The following PDE4D variants were observed in gnomAD, a reference collection of about 807,000 sequenced individuals.
PDE4D encodes 3',5'-cyclic-AMP phosphodiesterase 4D.
PDE4D carries 24 observed loss-of-function variants against 87.4 expected under a neutral mutation model. That is an observed-to-expected ratio of 0.27 (90% CI 0.20 to 0.39). The LOEUF (loss-of-function observed/expected upper bound fraction) is 0.39, where lower values mean the gene tolerates loss of function less well. Ranked by LOEUF, PDE4D falls within the 10% of genes least tolerant of loss-of-function variation. The pLI is 1.00. For missense variants in PDE4D, 714 were observed against 1,041.0 expected, an observed-to-expected ratio of 0.69 and a Z score of 4.32; for synonymous variants, 384 against 383.2, an observed-to-expected ratio of 1.00 and a Z score of -0.02.
chr5:60,169,340 T>C (rs1258475264), intron 2 of PDE4D, among the ~76,000 whole-genome samples: 4 of 152,156 alleles, frequency 2.6e-5, no homozygotes, highest in Non-Finnish European at 4.4e-5. Flanking sequence ...ACACAAAAGA[T>C]GTACCTCCAC....
At chr5:59,580,861 G>A (rs895981220) in intron 1 of PDE4D, among the ~76,000 whole-genome samples, 1 of 152,084 alleles carries the variant, frequency 6.6e-6, no homozygotes, top group African/African-American at 2.4e-5. Context: ...GAAACCTGGA[G>A]TGCTTTTTTT....
intron 1 of PDE4D, among the ~76,000 whole-genome samples, chr5:60,519,356 G>C (rs939432222): frequency 1.3e-5 from 2 of 152,258 alleles, no homozygotes; most frequent in Admixed American, 1.3e-4. Flanking sequence ...AAAAATTTAA[G>C]AACAAAAAGG....
At chr5:60,135,695 C>A (rs1176653181) in intron 2 of PDE4D, among the ~76,000 whole-genome samples, 1 of 151,962 alleles carries the variant, frequency 6.6e-6, no homozygotes, top group Middle Eastern at 3.2e-3. Flanking sequence ...GAAGAGAGGA[C>A]CATAGTGCTG....
chr5:59,941,316 G>A (rs1757158500), intron 3 of PDE4D, among the ~76,000 whole-genome samples: 1 of 152,176 alleles, frequency 6.6e-6, no homozygotes, highest in African/African-American at 2.4e-5. Context: ...CAATTGCTGT[G>A]TTATTTTCAA....
intron 1 of PDE4D, among the ~76,000 whole-genome samples, chr5:60,294,002 T>C (rs1024436435): frequency 1.3e-5 from 2 of 152,246 alleles, no homozygotes; most frequent in Non-Finnish European, 2.9e-5. Context: ...CATTTTATTA[T>C]CTGCAAAACA....
At chr5:60,503,871 G>T (rs1048433978) in intron 1 of PDE4D, among the ~76,000 whole-genome samples, 11 of 152,040 alleles carry the variant, frequency 7.2e-5, no homozygotes, top group African/African-American at 2.4e-4. Flanking sequence ...AAATTACAGA[G>T]GAAATTCCAA....
At chr5:59,753,889 A>C (rs767024770) in intron 1 of PDE4D, among the ~76,000 whole-genome samples, 1 of 152,208 alleles carries the variant, frequency 6.6e-6, no homozygotes, top group Non-Finnish European at 1.5e-5. Flanking sequence ...GAAAACTCTC[A>C]AGATGAATGT....
At chr5:60,103,748 C>T (rs1401166368) in intron 2 of PDE4D, among the ~76,000 whole-genome samples, 1 of 151,792 alleles carries the variant, frequency 6.6e-6, no homozygotes, top group Non-Finnish European at 1.5e-5. Context: ...GTCACTCTCA[C>T]TAAATTAAAA....
chr5:59,601,968 A>G (rs1307184785), intron 1 of PDE4D, among the ~76,000 whole-genome samples: 1 of 150,942 alleles, frequency 6.6e-6, no homozygotes, highest in East Asian at 1.9e-4. Context: ...AGGACACTAC[A>G]AAAAAAGAAA....
chr5:60,006,049 T>A (rs2152841679), intron 2 of PDE4D, among the ~76,000 whole-genome samples: 1 of 152,082 alleles, frequency 6.6e-6, no homozygotes, highest in Middle Eastern at 3.4e-3. Flanking sequence ...TTAATGTTAT[T>A]GAGGTAATTT....
chr5:60,170,828 A>T (rs1783360589), intron 2 of PDE4D, among the ~76,000 whole-genome samples: 1 of 152,038 alleles, frequency 6.6e-6, no homozygotes, highest in Non-Finnish European at 1.5e-5. Context: ...TCTAGTATTG[A>T]TAATGGAAAT....
intron 1 of PDE4D, among the ~76,000 whole-genome samples, chr5:59,696,812 AGCTT>A (rs1452071167): frequency 6.6e-6 from 1 of 152,162 alleles, no homozygotes; most frequent in Non-Finnish European, 1.5e-5. Context: ...TGCTTCACAC[AGCTT>A]TAAATCCTTC....
intron 1 of PDE4D, among the ~76,000 whole-genome samples, chr5:59,562,902 A>T (rs1379265357): frequency 2.6e-5 from 4 of 152,208 alleles, no homozygotes; most frequent in Non-Finnish European, 5.9e-5. Context: ...TGTTATTGTG[A>T]GATATTTTAC....
chr5:58,987,667 T>C (rs1441386670), intron 11 of PDE4D, among the ~76,000 whole-genome samples: 1 of 152,126 alleles, frequency 6.6e-6, no homozygotes, highest in Non-Finnish European at 1.5e-5. Flanking sequence ...TTCTTAAGCA[T>C]ACAACATTTT....
chr5:60,516,122 G>T (rs999487649), intron 1 of PDE4D, among the ~76,000 whole-genome samples: 2 of 152,118 alleles, frequency 1.3e-5, no homozygotes, highest in African/African-American at 2.4e-5. Flanking sequence ...AGTTTGCGAT[G>T]GAATAGAAAT....
At chr5:59,722,421 C>G (rs1387245049) in intron 1 of PDE4D, among the ~76,000 whole-genome samples, 1 of 152,210 alleles carries the variant, frequency 6.6e-6, no homozygotes, top group African/African-American at 2.4e-5. Flanking sequence ...TTTATTCTAA[C>G]TTAATTTAAA....
intron 5 of PDE4D, among the ~76,000 whole-genome samples, chr5:59,162,787 C>T (rs909971268): frequency 7.5e-5 from 11 of 145,818 alleles, no homozygotes; most frequent in African/African-American, 1.5e-4. Context: ...CCCAGGAGGT[C>T]GAGGCTGCAG....
chr5:60,449,849 A>G (rs1417381909), intron 1 of PDE4D, among the ~76,000 whole-genome samples: 1 of 151,116 alleles, frequency 6.6e-6, no homozygotes, highest in Non-Finnish European at 1.5e-5. Context: ...TAACCTGCAC[A>G]TTGTGCACAT....
chr5:60,271,064 C>T (rs528557804), intron 1 of PDE4D, among the ~76,000 whole-genome samples: 13 of 152,122 alleles, frequency 8.5e-5, no homozygotes, highest in Non-Finnish European at 1.3e-4. Flanking sequence ...TTTTCTATAG[C>T]CACCTTTCCT....
Sources: gnomAD v4.1 joint callset for allele counts (sites outside exome capture counted in the v4.1 genomes callset) on GRCh38, gnomAD v4.1.1 for gene constraint, MANE v1.5 for transcripts, NCBI Gene and HGNC (gene_info 2026-07-23, HGNC 2026-07-21) for gene names.